The following SCN1A variants were observed in gnomAD, a reference collection of about 807,000 sequenced individuals.
The protein encoded by SCN1A is sodium voltage-gated channel alpha subunit 1.
Under a neutral mutation model 193.7 loss-of-function variants are expected in SCN1A, and 13 were observed. That is an observed-to-expected ratio of 0.07 (90% CI 0.04 to 0.11). The LOEUF is 0.11. Ranked by LOEUF, SCN1A falls within the 10% of genes least tolerant of loss-of-function variation. The pLI, the probability that SCN1A is intolerant of heterozygous loss-of-function variation, is 1.00. For missense variants in SCN1A, 1,432 were observed against 2,451.1 expected (o/e 0.58, Z 8.78); for synonymous variants, 781 against 843.6 (o/e 0.93, Z 1.29).
Position 166,009,705 on chromosome 2 carries a change from T to G in SCN1A, c.4002+14A>C, listed in dbSNP as rs1299955181. Reference sequence around the variant, plus strand: ...GGCTATATACAATACTTCAGGTTCTTTCATTTTTCTTACCCTCATCCCTTC... The same window carrying G: ...GGCTATATACAATACTTCAGGTTCTGTCATTTTTCTTACCCTCATCCCTTC... On this transcript the variant is annotated intron_variant, in intron 23 of 28. Coordinates refer to ENST00000674923, the MANE Select transcript of SCN1A (RefSeq NM_001165963.4). 5.6e-6 allele frequency: 9 copies of G among 1,601,456 alleles called. No individual in the cohort carries two copies. The highest frequency in any genetic ancestry group is 6.8e-6 in the Non-Finnish European group (8 of 1,172,390).
At chr2:166,040,764 A>G (rs1697066919) in intron 16 of SCN1A, among the ~76,000 whole-genome samples, 1 of 152,212 alleles carries the variant, frequency 6.6e-6, no homozygotes, top group Non-Finnish European at 1.5e-5. Flanking sequence ...TGGTTTTGAT[A>G]TAGAATAGAT....
intron 2 of SCN1A, among the ~76,000 whole-genome samples, chr2:166,103,687 G>A (rs1320223211): frequency 6.6e-6 from 1 of 152,040 alleles, no homozygotes; most frequent in African/African-American, 2.4e-5. Context: ...CTGAGGACAT[G>A]TGAGGCATGT....
At chr2:166,045,464 A>G in intron 12 of SCN1A, 137 bp from the exon 13 acceptor site, 1 of 1,015,008 alleles carries the variant, frequency 9.9e-7, no homozygotes, top group Non-Finnish European at 1.4e-6. Flanking sequence ...GATTCTCTGC[A>G]AGTATAAGAG....
upstream of SCN1A, among the ~76,000 whole-genome samples, chr2:166,128,675 T>G (rs1170649324): frequency 6.6e-6 from 1 of 152,156 alleles, no homozygotes; most frequent in Non-Finnish European, 1.5e-5. Context: ...ACTCTCAATT[T>G]CTATGGTTTT....
chr2:165,999,345 G>T (rs1176088444), intron 25 of SCN1A, among the ~76,000 whole-genome samples: 1 of 151,408 alleles, frequency 6.6e-6, no homozygotes, highest in African/African-American at 2.4e-5. Flanking sequence ...GTCTAATATG[G>T]AGGGTGACTA....
rs557115064 is a variant in SCN1A, at chr2:166,090,995, A to G, written c.-141-13194T>C. On this transcript the variant is annotated intron_variant, in intron 2 of 28. Coordinates refer to ENST00000674923, the MANE Select transcript of SCN1A (RefSeq NM_001165963.4). Reference sequence around the variant, plus strand: ...ATTACTAATATTTTATTGCATCACAATCTGCATGAAACAGATGTCAGGATA... The same window carrying G: ...ATTACTAATATTTTATTGCATCACAGTCTGCATGAAACAGATGTCAGGATA... Among the ~76,000 whole-genome samples, 274 of 152,342 alleles carry G rather than the reference A, an allele frequency of 1.8e-3. 2 individuals carry two copies. The highest frequency in any genetic ancestry group is 1.8e-3 in the Non-Finnish European group (124 of 68,034).
chr2:166,071,256 G>T (rs1000808592), intron 4 of SCN1A, among the ~76,000 whole-genome samples: 3 of 152,180 alleles, frequency 2.0e-5, no homozygotes, highest in African/African-American at 7.2e-5. Flanking sequence ...GTTTAGTTTG[G>T]GCTTTGGCTT....
upstream of SCN1A, among the ~76,000 whole-genome samples, chr2:166,128,830 C>A (rs1691508750): frequency 6.6e-6 from 1 of 152,052 alleles, no homozygotes; most frequent in Non-Finnish European, 1.5e-5. Context: ...CCATGAATAT[C>A]AGTTTTTTCT....
chr2:166,082,225 C>A (rs1685603297), intron 2 of SCN1A, among the ~76,000 whole-genome samples: 2 of 151,946 alleles, frequency 1.3e-5, no homozygotes, highest in South Asian at 4.1e-4. Flanking sequence ...GAAAAATGGG[C>A]AATTTCTTTG....
At chr2:166,034,230 T>A (rs1355359395) in intron 19 of SCN1A, among the ~76,000 whole-genome samples, 1 of 152,186 alleles carries the variant, frequency 6.6e-6, no homozygotes, top group Non-Finnish European at 1.5e-5. Context: ...CTGAATTAAC[T>A]AAGCAGCTCT....
At chr2:166,061,952 T>C (rs564692425) in intron 4 of SCN1A, among the ~76,000 whole-genome samples, 2 of 152,294 alleles carry the variant, frequency 1.3e-5, no homozygotes, top group South Asian at 4.1e-4. Context: ...AAAGAATGTG[T>C]AGAAGATTAT....
chr2:166,039,245 G>GT (rs1243448919), intron 17 of SCN1A, among the ~76,000 whole-genome samples, 178 bp downstream of exon 17: 1 of 152,036 alleles, frequency 6.6e-6, no homozygotes, highest in Non-Finnish European at 1.5e-5. Flanking sequence ...TGAAATAAAG[G>GT]TTTTCATAAA....
rs757361260 is a variant in SCN1A, at chr2:166,043,697, A to G, written c.2015T>C (p.Ile672Thr). Reference protein sequence around the residue: ...SPVGQLLPEVIIDKPATDDNG... With the variant: ...SPVGQLLPEVTIDKPATDDNG... ...GTCATCAGTAGCTGGCTTATCTATT[A>G]TCACCTCTGGCAGAAGCTGTCCAAC... is the stretch of plus-strand genomic sequence containing the variant. Residue 672 changes from isoleucine to threonine, a missense_variant, in exon 14 of 29, where the codon ATA (isoleucine) becomes ACA (threonine). Ile to Thr is a moderately conservative substitution (Grantham distance 89). This residue lies in a region of SCN1A where 316 missense variants were observed against 362.1 expected (regional missense o/e 0.87). Coordinates refer to ENST00000674923, the MANE Select transcript of SCN1A (RefSeq NM_001165963.4). 2 of 1,613,994 alleles carry G rather than the reference A, an allele frequency of 1.2e-6. No homozygotes were observed. Among genetic ancestry groups the G allele is most frequent in the Non-Finnish European group, 1.7e-6 (2 of 1,180,006 alleles).
chr2:166,085,117 T>C (rs1685966865), intron 2 of SCN1A, among the ~76,000 whole-genome samples: 1 of 152,194 alleles, frequency 6.6e-6, no homozygotes, highest in African/African-American at 2.4e-5. Context: ...AAGTCTCTTC[T>C]TTAGTCTCTT....
rs1269664437 is a variant in SCN1A at position 165,988,649 on chromosome 2, C to T, written c.*2596G>A. ...CTCTGGTGCTTTCCCACTGGTGCTT[C>T]TCATTGGCCAAACCAATTGGGAGCT... On this transcript the variant is annotated 3_prime_UTR_variant, in exon 29 of 29. Coordinates refer to ENST00000674923, the MANE Select transcript of SCN1A (RefSeq NM_001165963.4). The T allele has an allele frequency of 1.3e-5, 2 of 152,216 alleles. No homozygotes were observed. The highest frequency in any genetic ancestry group is 6.6e-5 in the Admixed American group (1 of 15,260). 9.4% of individuals were successfully genotyped at this position (152,216 alleles called of 1,614,324 possible). A position where few individuals can be genotyped will look rare whatever the true frequency, so the allele number is the denominator to read the frequency against.
rs543671530 is a variant in SCN1A, at chr2:165,994,638, A to C, written c.4582-222T>G. On this transcript the variant is annotated intron_variant, in intron 27 of 28. Coordinates refer to ENST00000674923, the MANE Select transcript of SCN1A (RefSeq NM_001165963.4). The stretch of plus-strand genomic sequence containing the variant: ...AGAATAACAATCCCTTATCCAAAGA[A>C]GGTTTCTGATAAAAACAAACAAACA... Among the ~76,000 whole-genome samples the C allele has an allele frequency of 2.1e-5, 3 of 142,404 alleles. No individual in the cohort carries two copies. In the South Asian group the frequency reaches 6.9e-4, roughly 33 times the overall value. 93.4% of individuals were successfully genotyped at this position (142,404 alleles called of 152,430 possible). A position where few individuals can be genotyped will look rare whatever the true frequency, so the allele number is the denominator to read the frequency against.
intron 2 of SCN1A, among the ~76,000 whole-genome samples, chr2:166,090,232 A>G (rs1406337246): frequency 6.6e-6 from 1 of 151,606 alleles, no homozygotes; most frequent in African/African-American, 2.4e-5. Flanking sequence ...GTATCTCTCT[A>G]TGTTGCCCAG....
At chr2:166,032,142 AT>A (rs1159649838) in intron 19 of SCN1A, among the ~76,000 whole-genome samples, 1 of 76,576 alleles carries the variant, frequency 1.3e-5, no homozygotes, top group Non-Finnish European at 2.6e-5. Context: ...GAAAGGTAAC[AT>A]TTTTGCATCA....
At chr2:166,109,947 T>A (rs1281763081) in intron 2 of SCN1A, among the ~76,000 whole-genome samples, 3 of 152,090 alleles carry the variant, frequency 2.0e-5, no homozygotes, top group Admixed American at 2.0e-4. Context: ...TTAAATAGAA[T>A]AAGATCTAGT....
Sources: allele counts gnomAD v4.1 joint callset (sites outside exome capture counted in the v4.1 genomes callset), GRCh38; gene constraint gnomAD v4.1.1; regional missense constraint gnomAD v4.1.1; transcripts MANE v1.5; gene names NCBI Gene and HGNC (gene_info 2026-07-23, HGNC 2026-07-21).